ATP10B: variants seen among roughly 807,000 people sequenced by gnomAD.
The protein encoded by ATP10B is phospholipid-transporting ATPase VB.
A neutral mutation model predicts 141.2 loss-of-function variants in ATP10B; 122 were observed. That is an observed-to-expected ratio of 0.86 (90% CI 0.75 to 1.00). The LOEUF is 1.00. ATP10B is among the 50% of genes least tolerant of loss of function. The pLI, the probability that ATP10B is intolerant of heterozygous loss-of-function variation, is 0.00. For missense variants in ATP10B, 1,876 were observed against 1,825.3 expected (o/e 1.03, Z -0.51); for synonymous variants, 685 against 692.0 (o/e 0.99, Z 0.16).
the ATP10B span, among the ~76,000 whole-genome samples, chr5:160,881,736 G>A: frequency 2.6e-5 from 4 of 152,064 alleles, no homozygotes; most frequent in Admixed American, 6.5e-5. Context: ...GTGTGAAAGC[G>A]GGAGGTGGAG....
intron 2 of ATP10B, among the ~76,000 whole-genome samples, chr5:160,772,272 C>T (rs550557481): frequency 1.6e-4 from 25 of 152,360 alleles, no homozygotes; most frequent in African/African-American, 5.5e-4. Flanking sequence ...TCTCCACAAG[C>T]TCTTCTTAAT....
At chr5:160,826,545 C>T (rs1330569683) in intron 1 of ATP10B, among the ~76,000 whole-genome samples, 7 of 152,030 alleles carry the variant, frequency 4.6e-5, no homozygotes, top group Non-Finnish European at 1.0e-4. Flanking sequence ...AATATGAAAT[C>T]AGTGCACCTT....
intron 9 of ATP10B, among the ~76,000 whole-genome samples, chr5:160,641,470 T>C (rs1287024617): frequency 2.0e-5 from 3 of 152,148 alleles, no homozygotes; most frequent in Non-Finnish European, 2.9e-5. Context: ...AAACTACCAA[T>C]CTCACCCAGT....
intron 2 of ATP10B, among the ~76,000 whole-genome samples, chr5:160,767,631 CAG>C: frequency 9.0e-6 from 1 of 111,666 alleles, no homozygotes; most frequent in Non-Finnish European, 1.9e-5. Context: ...GTCATGTGTG[CAG>C]AACCCCCCCC....
intron 1 of ATP10B, among the ~76,000 whole-genome samples, chr5:160,845,524 T>C (rs1458964064): frequency 3.3e-5 from 5 of 152,208 alleles, no homozygotes; most frequent in African/African-American, 9.6e-5. Flanking sequence ...CACTTTGTTA[T>C]AGTTCATCAA....
chr5:160,635,830 C>G (rs115945035), intron 11 of ATP10B, among the ~76,000 whole-genome samples: 4 of 152,194 alleles, frequency 2.6e-5, no homozygotes, highest in African/African-American at 9.7e-5. Context: ...TTCTCTGTCG[C>G]TCACTGTGCT....
chr5:160,830,104 A>C (rs532412423), intron 1 of ATP10B, among the ~76,000 whole-genome samples: 10 of 151,792 alleles, frequency 6.6e-5, no homozygotes, highest in Non-Finnish European at 1.5e-5. Context: ...ATGGCTCTTG[A>C]GGTATGTTCC....
Position 160,632,184 on chromosome 5 carries a change from CT to C in ATP10B, c.1564del (p.Arg522GlyfsTer19). On this transcript the variant is annotated frameshift_variant, in exon 13 of 26. Transcript: ENST00000327245. LOFTEE classifies it high-confidence loss of function. ...RVPIQGHYRQ[R>X]SMGHRESSQP... ...TGAGCTTTCACGGTGCCCCATAGAC[CT>C]TTGCCGGTAGTGGCCCTGGATGGGC... is the stretch of plus-strand genomic sequence containing the variant. 6.2e-7 allele frequency: 1 copy of C among 1,614,200 alleles called. No homozygotes were observed. Among genetic ancestry groups the C allele is most frequent in the Non-Finnish European group, 8.5e-7 (1 of 1,180,030 alleles).
At chr5:160,868,012 G>A in the ATP10B span, among the ~76,000 whole-genome samples, 6 of 152,024 alleles carry the variant, frequency 3.9e-5, no homozygotes, top group African/African-American at 1.2e-4. Context: ...TAATATCACC[G>A]AAAGCTCTGA....
intron 2 of ATP10B, among the ~76,000 whole-genome samples, chr5:160,725,023 A>C (rs539209711): frequency 6.6e-6 from 1 of 152,376 alleles, no homozygotes; most frequent in Non-Finnish European, 1.5e-5. Flanking sequence ...AAAGCCTAGA[A>C]TAGTTCCTTG....
At chr5:160,912,816 A>T in the ATP10B span, among the ~76,000 whole-genome samples, 1 of 152,224 alleles carries the variant, frequency 6.6e-6, no homozygotes, top group African/African-American at 2.4e-5. Context: ...TCTATCTGGC[A>T]TGCCACACTT....
chr5:160,698,449 A>G (rs948939715), intron 3 of ATP10B, among the ~76,000 whole-genome samples: 1 of 152,194 alleles, frequency 6.6e-6, no homozygotes, highest in Non-Finnish European at 1.5e-5. Flanking sequence ...ATTTTATGGT[A>G]GGATTTGCAA....
intron 12 of ATP10B, 102 bp downstream of exon 12, chr5:160,634,252 C>A (rs1289467613): frequency 6.5e-7 from 1 of 1,543,500 alleles, no homozygotes; most frequent in Admixed American, 1.7e-5. Flanking sequence ...TGCCACACAG[C>A]CTCTAAGAGA....
chr5:160,817,166 G>A (rs1490493661), intron 1 of ATP10B, among the ~76,000 whole-genome samples: 2 of 152,192 alleles, frequency 1.3e-5, no homozygotes, highest in Non-Finnish European at 1.5e-5. Context: ...AATCAGGCAG[G>A]AGAAGGAAAT....
chr5:160,776,897 T>G (rs1276266991), intron 2 of ATP10B, among the ~76,000 whole-genome samples: 1 of 152,172 alleles, frequency 6.6e-6, no homozygotes, highest in African/African-American at 2.4e-5. Flanking sequence ...ATGATTTTAG[T>G]CGGACACTTG....
intron 7 of ATP10B, among the ~76,000 whole-genome samples, chr5:160,667,586 C>A (rs1028129896): frequency 5.9e-5 from 9 of 152,130 alleles, no homozygotes; most frequent in African/African-American, 1.9e-4. Flanking sequence ...AGGAATTTAC[C>A]TCTCTCTCTT....
the ATP10B span, among the ~76,000 whole-genome samples, chr5:160,907,806 C>G: frequency 6.6e-6 from 1 of 152,166 alleles, no homozygotes; most frequent in African/African-American, 2.4e-5. Flanking sequence ...TGCCAAATAC[C>G]CATGTGCTAC....
intron 1 of ATP10B, among the ~76,000 whole-genome samples, chr5:160,830,993 A>ACACACACT (rs1554123001): frequency 6.6e-6 from 1 of 150,916 alleles, no homozygotes; most frequent in African/African-American, 2.4e-5. Context: ...ACACACACAC[A>ACACACACT]CACACAGAGT....
At chr5:160,677,195 T>A (rs1459440772) in intron 6 of ATP10B, among the ~76,000 whole-genome samples, 1 of 152,194 alleles carries the variant, frequency 6.6e-6, no homozygotes, top group African/African-American at 2.4e-5. Context: ...TTTATGACTC[T>A]CCCACCCAGT....
Sources: gnomAD v4.1 joint callset for allele counts (sites outside exome capture counted in the v4.1 genomes callset) on GRCh38, gnomAD v4.1.1 for gene constraint, MANE v1.5 for transcripts, NCBI Gene and HGNC (gene_info 2026-07-23, HGNC 2026-07-21) for gene names.